The following ZRANB3 variants were observed in gnomAD, a reference collection of about 807,000 sequenced individuals.
The protein encoded by ZRANB3 is DNA annealing helicase and endonuclease ZRANB3.
Under a neutral mutation model 133.8 loss-of-function variants are expected in ZRANB3, and 125 were observed. That is an observed-to-expected ratio of 0.93 (90% CI 0.81 to 1.08). The LOEUF (loss-of-function observed/expected upper bound fraction) is 1.08. ZRANB3 is among the 50% of genes least tolerant of loss of function. ZRANB3 has a pLI of 0.00. For synonymous variants in ZRANB3, 387 were observed against 432.7 expected (o/e 0.89, Z 1.31); for missense variants, 1,229 against 1,275.5 (o/e 0.96, Z 0.56).
At chr2:135,405,522 T>C (rs1012601315) in intron 2 of ZRANB3, among the ~76,000 whole-genome samples, 3 of 152,176 alleles carry the variant, frequency 2.0e-5, no homozygotes, top group Admixed American at 6.5e-5. Flanking sequence ...TATACATTCT[T>C]CTCAGCACCA....
rs1685142160 is a variant in ZRANB3, at chr2:135,350,231, C to T, written c.360-16G>A. ...CGACATTCTCCTAGAAAAGAAAATC[C>T]ATGTACTTAAAAAATATCTCAGTAA... On this transcript the variant is annotated splice_polypyrimidine_tract_variant and intron_variant, in intron 4 of 20. Transcript: ENST00000264159. 1.3e-6 allele frequency: 2 copies of T among 1,541,284 alleles called. 1 individual carries two copies. The highest frequency in any genetic ancestry group is 3.9e-5 in the Admixed American group (2 of 51,082).
intron 12 of ZRANB3, among the ~76,000 whole-genome samples, chr2:135,244,232 C>T (rs1458672956): frequency 2.0e-5 from 3 of 152,070 alleles, no homozygotes; most frequent in Non-Finnish European, 4.4e-5. Flanking sequence ...CTTTGGGAGT[C>T]CAAGGCAGGC....
At chr2:135,387,850 T>A (rs1055595797) in intron 3 of ZRANB3, among the ~76,000 whole-genome samples, 15 of 152,210 alleles carry the variant, frequency 9.9e-5, no homozygotes, top group African/African-American at 3.6e-4. Flanking sequence ...AAAAGTGCTA[T>A]GTAATTGTAA....
At chr2:135,369,529 A>G (rs897644992) in intron 3 of ZRANB3, among the ~76,000 whole-genome samples, 1 of 152,212 alleles carries the variant, frequency 6.6e-6, no homozygotes, top group Non-Finnish European at 1.5e-5. Context: ...ACTATAATAT[A>G]TAAGAAGAGG....
At chr2:135,219,492 T>C (rs1395417316) in intron 15 of ZRANB3, among the ~76,000 whole-genome samples, 1 of 152,242 alleles carries the variant, frequency 6.6e-6, no homozygotes, top group African/African-American at 2.4e-5. Context: ...TGGAAAGATG[T>C]ATCAAAACAA....
At chr2:135,312,096 C>T (rs78183620) in intron 8 of ZRANB3, among the ~76,000 whole-genome samples, 4,804 of 151,204 alleles carry the variant, frequency 0.032, 258 homozygotes, top group African/African-American at 0.11. Flanking sequence ...CAAGCCTCAT[C>T]CAACCATACA....
At chr2:135,504,541 G>A (rs1198624076) in intron 1 of ZRANB3, 45 bp from the exon 2 acceptor site, 1 of 1,510,684 alleles carries the variant, frequency 6.6e-7, no homozygotes, top group Non-Finnish European at 9.0e-7. Flanking sequence ...ATAAGAAATA[G>A]ATATTACTAA....
chr2:135,339,861 G>T (rs72982391), intron 6 of ZRANB3, among the ~76,000 whole-genome samples: 1 of 151,654 alleles, frequency 6.6e-6, no homozygotes, highest in Non-Finnish European at 1.5e-5. Flanking sequence ...TCTTTAATTC[G>T]CAACACATAA....
At chr2:135,465,242 T>A (rs1690931208) in intron 2 of ZRANB3, among the ~76,000 whole-genome samples, 1 of 151,892 alleles carries the variant, frequency 6.6e-6, no homozygotes, top group African/African-American at 2.4e-5. Context: ...GTTCTGGTCC[T>A]GTTTTAAAGT....
At chr2:135,447,008 G>A (rs530104365) in intron 2 of ZRANB3, among the ~76,000 whole-genome samples, 7 of 151,784 alleles carry the variant, frequency 4.6e-5, no homozygotes, top group Non-Finnish European at 8.8e-5. Flanking sequence ...CTATTTTTCT[G>A]TCTTTTTAGG....
chr2:135,398,489 C>G (rs1019925295), intron 2 of ZRANB3, among the ~76,000 whole-genome samples: 3 of 150,502 alleles, frequency 2.0e-5, no homozygotes, highest in Non-Finnish European at 4.4e-5. Context: ...TTTCTACCTC[C>G]TTTGAACAAA....
chr2:135,515,974 C>G (rs1450944803), intron 1 of ZRANB3, among the ~76,000 whole-genome samples: 1 of 152,098 alleles, frequency 6.6e-6, no homozygotes, highest in Non-Finnish European at 1.5e-5. Flanking sequence ...GTATTGGGTG[C>G]ATATATATTT....
chr2:135,319,056 C>T (rs1683392925), intron 6 of ZRANB3, among the ~76,000 whole-genome samples: 1 of 152,132 alleles, frequency 6.6e-6, no homozygotes, highest in South Asian at 2.1e-4. Flanking sequence ...GGGGTGTATA[C>T]AGAGTTGAGA....
chr2:135,225,639 A>T (rs1057347109), intron 14 of ZRANB3, among the ~76,000 whole-genome samples: 1 of 152,204 alleles, frequency 6.6e-6, no homozygotes, highest in South Asian at 2.1e-4. Context: ...AGGTATATGC[A>T]TTGTTGCTAC....
intron 17 of ZRANB3, 63 bp from the exon 18 acceptor site, chr2:135,209,041 T>A: frequency 6.9e-7 from 1 of 1,454,284 alleles, no homozygotes; most frequent in Non-Finnish European, 9.6e-7. Flanking sequence ...CTATTGCATG[T>A]TTACATTGTT....
intron 2 of ZRANB3, among the ~76,000 whole-genome samples, chr2:135,462,279 C>T (rs959313664): frequency 6.6e-6 from 1 of 152,136 alleles, no homozygotes; most frequent in Admixed American, 6.5e-5. Context: ...GTACTCCAAG[C>T]TCCTCCTTCC....
intron 8 of ZRANB3, among the ~76,000 whole-genome samples, chr2:135,305,985 T>C (rs187983612): frequency 6.6e-6 from 1 of 152,298 alleles, no homozygotes; most frequent in African/African-American, 2.4e-5. Flanking sequence ...TATATGTGAT[T>C]TGATGTTTTT....
chr2:135,519,923 G>A (rs939135237), intron 1 of ZRANB3, among the ~76,000 whole-genome samples: 1 of 152,112 alleles, frequency 6.6e-6, no homozygotes, highest in Non-Finnish European at 1.5e-5. Context: ...GAGAGGAAGG[G>A]ATCAAAGAGT....
At chr2:135,223,277 T>C (rs1303220701) in intron 15 of ZRANB3, among the ~76,000 whole-genome samples, 1 of 150,524 alleles carries the variant, frequency 6.6e-6, no homozygotes, top group Non-Finnish European at 1.5e-5. Context: ...AAAACAGAAA[T>C]AGAAAAATGT....
Sources: allele counts gnomAD v4.1 joint callset (sites outside exome capture counted in the v4.1 genomes callset), GRCh38; gene constraint gnomAD v4.1.1; transcripts MANE v1.5; gene names NCBI Gene and HGNC (gene_info 2026-07-23, HGNC 2026-07-21).